The following ASAP2 variants were observed in gnomAD, a reference collection of about 807,000 sequenced individuals.
ASAP2 encodes the protein ArfGAP with SH3 domain, ankyrin repeat and PH domain 2, also known as arf-GAP with SH3 domain, ANK repeat and PH domain-containing protein 2.
ASAP2 carries 45 observed loss-of-function variants against 131.4 expected under a neutral mutation model. The observed-to-expected ratio is 0.34, with a 90% confidence interval of 0.27 to 0.44. The LOEUF is 0.44. Among genes scored for constraint, ASAP2 ranks in the 20% least tolerant of loss-of-function variants. ASAP2 has a pLI of 1.00. For missense variants in ASAP2, 1,011 were observed against 1,297.0 expected, an observed-to-expected ratio of 0.78 and a Z score of 3.39; for synonymous variants, 510 against 503.0, an observed-to-expected ratio of 1.01 and a Z score of -0.19.
At chr2:9,336,556 A>T (rs1008553959) in intron 9 of ASAP2, among the ~76,000 whole-genome samples, 6 of 152,158 alleles carry the variant, frequency 3.9e-5, no homozygotes, top group Admixed American at 3.3e-4. Context: ...CCATTCTTCC[A>T]TCACACTGTA....
intron 3 of ASAP2, among the ~76,000 whole-genome samples, chr2:9,306,138 G>A (rs1668921274): frequency 6.8e-6 from 1 of 147,518 alleles, no homozygotes; most frequent in Non-Finnish European, 1.5e-5. Flanking sequence ...GGCTGGCGTA[G>A]TGGGGGTGTA....
At chr2:9,212,919 C>T (rs927368235) in intron 1 of ASAP2, among the ~76,000 whole-genome samples, 15 of 152,350 alleles carry the variant, frequency 9.8e-5, no homozygotes, top group South Asian at 2.1e-4. Context: ...CCCGGCTGCA[C>T]ACTGGAGTTG....
At chr2:9,273,044 C>T (rs1204019524) in intron 1 of ASAP2, among the ~76,000 whole-genome samples, 4 of 151,978 alleles carry the variant, frequency 2.6e-5, no homozygotes, top group African/African-American at 9.7e-5. Flanking sequence ...TTTTGTGGTT[C>T]TATATAAATC....
chr2:9,355,923 C>A, intron 12 of ASAP2, 124 bp from the exon 13 acceptor site: 2 of 1,212,070 alleles, frequency 1.7e-6, no homozygotes, highest in Non-Finnish European at 2.4e-6. Context: ...TGATTTTATA[C>A]AAATCAGTAA....
intron 26 of ASAP2, 90 bp downstream of exon 26, chr2:9,400,920 C>A: frequency 7.6e-7 from 1 of 1,313,056 alleles, no homozygotes; most frequent in South Asian, 1.2e-5. Flanking sequence ...AAGTCTTCCC[C>A]TCTTCCCCTG....
At chr2:9,286,665 G>T (rs181384884) in intron 2 of ASAP2, among the ~76,000 whole-genome samples, 139 of 152,246 alleles carry the variant, frequency 9.1e-4, no homozygotes, top group African/African-American at 3.2e-3. Flanking sequence ...GCACAAAGAT[G>T]TTCACTTTGT....
chr2:9,237,669 C>T (rs897204028), intron 1 of ASAP2, among the ~76,000 whole-genome samples: 3 of 152,110 alleles, frequency 2.0e-5, no homozygotes, highest in African/African-American at 7.2e-5. Flanking sequence ...ATCCTCCTGC[C>T]TCGGCCCCTC....
chr2:9,339,191 A>G (rs73148740), intron 9 of ASAP2, among the ~76,000 whole-genome samples: 3,096 of 152,214 alleles, frequency 0.02, 112 homozygotes, highest in African/African-American at 0.071. Context: ...AAACAAAAAC[A>G]AAAAACTGGG....
At position 9,207,264 on chromosome 2, in the gene ASAP2, G is replaced by A; in HGVS notation, c.126+34G>A. On this transcript the variant is annotated intron_variant, in intron 1 of 27. Transcript: ENST00000281419. This position sits in a 1 kb window ranked among gnomAD's most constrained non-coding sequence, Gnocchi z 4.1. The stretch of plus-strand genomic sequence containing the variant: ...GCCTGCGCGGCGGCTCCGGCCGCAG[G>A]TATCCCGCGCCCCAGCCCCGCCCGC... The A allele has an allele frequency of 1.3e-6, 2 of 1,510,334 alleles. No homozygotes were observed. The highest frequency in any genetic ancestry group is 1.8e-6 in the Non-Finnish European group (2 of 1,131,710). 93.6% of individuals were successfully genotyped at this position (1,510,334 alleles called of 1,614,324 possible).
In ASAP2 at chr2:9,400,150, G is replaced by A. The variant is rs1572644080; in HGVS notation, c.2734+78G>A. The A allele has an allele frequency of 2.1e-6, 3 of 1,411,328 alleles. No individual in the cohort carries two copies. Among genetic ancestry groups the A allele is most frequent in the East Asian group, 4.7e-5 (2 of 42,642 alleles). 87.4% of individuals were successfully genotyped at this position (1,411,328 alleles called of 1,614,324 possible). A position where few individuals can be genotyped will look rare whatever the true frequency, so the allele number is the denominator to read the frequency against. On this transcript the variant is annotated intron_variant, in intron 25 of 27. Coordinates refer to ENST00000281419, the MANE Select transcript of ASAP2 (RefSeq NM_003887.3). ...TGTGGGGGATGTTTCCTGCCAGGTG[G>A]TCAGGACTGAGGGAGGGCCCAGCTG...
chr2:9,256,327 G>A (rs1025036181), intron 1 of ASAP2, among the ~76,000 whole-genome samples: 18 of 152,124 alleles, frequency 1.2e-4, no homozygotes, highest in Admixed American at 1.1e-3. Context: ...TAGCACGAGG[G>A]TGTATATGCA....
At chr2:9,355,073 A>G (rs76282465) in intron 12 of ASAP2, among the ~76,000 whole-genome samples, 2,407 of 152,326 alleles carry the variant, frequency 0.016, 36 homozygotes, top group Non-Finnish European at 0.025. Context: ...ACATCTTAAT[A>G]CAGTTATCCA....
Position 9,378,965 on chromosome 2 carries a change from A to G in ASAP2, c.1854A>G (p.Thr618=), listed in dbSNP as rs1674616960. The G allele has an allele frequency of 1.3e-6, 2 of 1,500,862 alleles. No individual in the cohort carries two copies. The highest frequency in any genetic ancestry group is 2.2e-5 in the Admixed American group (1 of 46,416). The allele number at this position is 1,500,862 out of a possible 1,614,324, so 93.0% of individuals were successfully genotyped here. Residue 618 remains threonine, a synonymous_variant, in exon 19 of 28, where the codon ACA becomes ACG. Coordinates refer to ENST00000281419, the MANE Select transcript of ASAP2 (RefSeq NM_003887.3). ...GCAGTGGGAACCTGGATAAACAGACAGGGAAAGGCAGCACAGCCCTGCACT... is the reference window on the plus strand; with the variant it reads ...GCAGTGGGAACCTGGATAAACAGACGGGGAAAGGCAGCACAGCCCTGCACT... ...VQNSGNLDKQ[T]GKGSTALHYC...
chr2:9,251,094 C>T (rs998842887), intron 1 of ASAP2, among the ~76,000 whole-genome samples: 7 of 152,168 alleles, frequency 4.6e-5, no homozygotes, highest in Non-Finnish European at 7.3e-5. Context: ...TGTGGAAACC[C>T]ACAGGTTCTT....
chr2:9,278,928 C>T (rs2148305567), intron 1 of ASAP2, among the ~76,000 whole-genome samples: 1 of 152,278 alleles, frequency 6.6e-6, no homozygotes, highest in African/African-American at 2.4e-5. Context: ...CGATAGGAGT[C>T]CCTGGCAGGC....
rs570723126 is a variant in ASAP2, at chr2:9,247,504, T to C, written c.127-31813T>C. Among the ~76,000 whole-genome samples, 16 of 152,328 alleles carry C rather than the reference T, an allele frequency of 1.1e-4. No individual in the cohort carries two copies. The South Asian group carries it at 3.3e-3, about 32-fold the overall frequency. ...TAGCTTTTTGATTTGAGTGCTTCTG[T>C]GGATTTGCTCGCTGCGTCTGTTATT... On this transcript the variant is annotated intron_variant, in intron 1 of 27. Transcript: ENST00000281419.
intron 3 of ASAP2, among the ~76,000 whole-genome samples, chr2:9,317,369 AC>A (rs953306985): frequency 4.4e-4 from 61 of 138,042 alleles, no homozygotes; most frequent in East Asian, 1.1e-3. Flanking sequence ...ATTCACATTC[AC>A]CCCCAACTCA....
Position 9,388,403 on chromosome 2 carries a change from A to G in ASAP2, c.2240A>G (p.Lys747Arg). ...GCCAGAGATGCTGCAAACCTTGCCA[A>G]GGAGAAGCAGAGGGCTTTCATGCCC... Reference protein sequence around the residue: ...SLARDAANLAKEKQRAFMPSI... With the variant: ...SLARDAANLAREKQRAFMPSI... The change falls in exon 22 of 28, where the codon AAG becomes AGG. Residue 747 changes from lysine (K) to arginine (R), a missense_variant. By Grantham distance (26) the Lys-to-Arg change is conservative. This residue lies in a region of ASAP2 where 652 missense variants were observed against 698.9 expected (regional missense o/e 0.93). Coordinates refer to ENST00000281419, the MANE Select transcript of ASAP2 (RefSeq NM_003887.3). The G allele has an allele frequency of 6.2e-7, 1 of 1,614,114 alleles. No individual in the cohort carries two copies. The highest frequency in any genetic ancestry group is 8.5e-7 in the Non-Finnish European group (1 of 1,180,012).
intron 6 of ASAP2, among the ~76,000 whole-genome samples, chr2:9,325,746 T>C (rs1442980140): frequency 6.6e-6 from 1 of 152,238 alleles, no homozygotes; most frequent in Non-Finnish European, 1.5e-5. Context: ...GGAAATACAC[T>C]GTGTAGATGA....
Sources: allele counts gnomAD v4.1 joint callset (sites outside exome capture counted in the v4.1 genomes callset), GRCh38; gene constraint gnomAD v4.1.1; regional missense constraint gnomAD v4.1.1; non-coding constraint Gnocchi (gnomAD v3.1); transcripts MANE v1.5; gene names NCBI Gene and HGNC (gene_info 2026-07-23, HGNC 2026-07-21).